Variants in NOX4 observed in about 807,000 individuals in gnomAD.
NOX4 encodes the protein kidney oxidase-1.
NOX4 carries 69 observed loss-of-function variants against 87.6 expected under a neutral mutation model. That is an observed-to-expected ratio of 0.79 (90% CI 0.65 to 0.96). The LOEUF is 0.96. NOX4 is among the 40% of genes least tolerant of loss of function. NOX4 has a pLI of 0.00. For missense variants in NOX4, 680 were observed against 681.5 expected, an observed-to-expected ratio of 1.00 and a Z score of 0.02; for synonymous variants, 275 against 238.2, an observed-to-expected ratio of 1.15 and a Z score of -1.42.
At chr11:89,349,284 C>T (rs1282032965) in intron 13 of NOX4, among the ~76,000 whole-genome samples, 2 of 140,650 alleles carry the variant, frequency 1.4e-5, no homozygotes, top group Non-Finnish European at 3.0e-5. Context: ...GAGACTCTGT[C>T]TAAAAAATAA....
chr11:89,443,442 T>G (rs1944545414), intron 5 of NOX4: 1 of 152,106 alleles, frequency 6.6e-6, no homozygotes, highest in Non-Finnish European at 1.5e-5. Context: ...AACAGTTTGT[T>G]TTTGATGTAG....
the NOX4 span, among the ~76,000 whole-genome samples, chr11:89,558,097 G>A: frequency 4.6e-5 from 7 of 152,188 alleles, no homozygotes; most frequent in South Asian, 1.5e-3. Context: ...GAGGCCAGTA[G>A]TCTTGTACCC....
chr11:89,471,061 C>A (rs1945917114), intron 2 of NOX4, among the ~76,000 whole-genome samples: 1 of 152,118 alleles, frequency 6.6e-6, no homozygotes, highest in African/African-American at 2.4e-5. Flanking sequence ...TGCTAGGGCC[C>A]ATATCCCTAT....
intron 11 of NOX4, among the ~76,000 whole-genome samples, chr11:89,374,384 T>C (rs957845725): frequency 1.3e-5 from 2 of 152,182 alleles, no homozygotes; most frequent in African/African-American, 4.8e-5. Flanking sequence ...GAAATATGCA[T>C]ACCTTTTAAA....
At chr11:89,566,606 G>C in the NOX4 span, among the ~76,000 whole-genome samples, 13 of 152,252 alleles carry the variant, frequency 8.5e-5, no homozygotes, top group African/African-American at 2.9e-4. Context: ...AAAAAAGCGA[G>C]AGGAGCCAAG....
chr11:89,432,101 A>G (rs1943822831), intron 7 of NOX4, among the ~76,000 whole-genome samples: 1 of 142,212 alleles, frequency 7.0e-6, no homozygotes, highest in African/African-American at 3.1e-5. Context: ...TATCGCAAGG[A>G]CAAAAAACTA....
chr11:89,560,970 C>CTCTCTCTCTCAT, the NOX4 span, among the ~76,000 whole-genome samples: 1 of 67,744 alleles, frequency 1.5e-5, no homozygotes, highest in African/African-American at 7.7e-5. Flanking sequence ...TCGTCTCTCT[C>CTCTCTCTCTCAT]TCTCTCTCTC....
the NOX4 span, among the ~76,000 whole-genome samples, chr11:89,564,666 T>C: frequency 9.5e-4 from 145 of 152,262 alleles, 2 homozygotes; most frequent in Admixed American, 7.3e-3. Context: ...TGCCAAAAGA[T>C]CAACATTACA....
intron 11 of NOX4, among the ~76,000 whole-genome samples, chr11:89,389,333 C>T (rs1940953324): frequency 6.6e-6 from 1 of 152,122 alleles, no homozygotes; most frequent in African/African-American, 2.4e-5. Flanking sequence ...TTTACCTTGA[C>T]CAAAATAGTA....
the NOX4 span, chr11:89,577,331 G>A: frequency 1.3e-5 from 2 of 152,012 alleles, no homozygotes; most frequent in Non-Finnish European, 2.9e-5. Flanking sequence ...GGATACACAG[G>A]AAAACTTGAT....
At chr11:89,539,576 G>T in the NOX4 span, among the ~76,000 whole-genome samples, 3 of 150,694 alleles carry the variant, frequency 2.0e-5, no homozygotes, top group Non-Finnish European at 4.4e-5. Context: ...CTCCTTTTTT[G>T]CCTTCCCCTC....
At chr11:89,445,025 T>C (rs1944631789) in intron 4 of NOX4, among the ~76,000 whole-genome samples, 1 of 152,156 alleles carries the variant, frequency 6.6e-6, no homozygotes, top group Admixed American at 6.6e-5. Flanking sequence ...GCTTTGCTTG[T>C]AGGCAAAATA....
intron 17 of NOX4, among the ~76,000 whole-genome samples, chr11:89,330,716 A>C (rs1945434399): frequency 6.6e-6 from 1 of 151,920 alleles, no homozygotes; most frequent in African/African-American, 2.4e-5. Context: ...CAAGGTAAAA[A>C]AAGAAAATAA....
At chr11:89,520,075 G>A in the NOX4 span, among the ~76,000 whole-genome samples, 1 of 151,930 alleles carries the variant, frequency 6.6e-6, no homozygotes. Flanking sequence ...GTACCATTAT[G>A]ATCAGGGAGC....
At chr11:89,549,537 G>T in the NOX4 span, among the ~76,000 whole-genome samples, 1 of 152,050 alleles carries the variant, frequency 6.6e-6, no homozygotes, top group African/African-American at 2.4e-5. Context: ...CATGTGCAGG[G>T]CATGCAGGTT....
rs1360452896 is a variant in NOX4, at chr11:89,325,943, A to C, written c.*813T>G. The C allele has an allele frequency of 2.7e-5, 4 of 148,792 alleles. No homozygotes were observed. The highest frequency in any genetic ancestry group is 7.3e-5 in the African/African-American group (3 of 40,818). The allele number at this position is 148,792 out of a possible 1,614,324, so 9.2% of individuals were successfully genotyped here. On this transcript the variant is annotated 3_prime_UTR_variant, in exon 18 of 18. Transcript: ENST00000263317. ...TGTGTGTATATATATATGTGTATAT[A>C]CATATATATATCCATATATATATAT...
At chr11:89,390,911 G>C (rs317151) in intron 11 of NOX4, among the ~76,000 whole-genome samples, 4,037 of 152,136 alleles carry the variant, frequency 0.027, 176 homozygotes, top group African/African-American at 0.093. Flanking sequence ...CTCCAAATGA[G>C]AGCCACTTTG....
At chr11:89,396,058 G>C (rs537468764) in intron 11 of NOX4, among the ~76,000 whole-genome samples, 25 of 152,152 alleles carry the variant, frequency 1.6e-4, no homozygotes, top group Non-Finnish European at 2.8e-4. Context: ...TAGGTAGCTT[G>C]ATGGGGATGG....
chr11:89,402,022 TC>T (rs1401309953), intron 9 of NOX4, among the ~76,000 whole-genome samples: 1 of 152,078 alleles, frequency 6.6e-6, no homozygotes, highest in Non-Finnish European at 1.5e-5. Flanking sequence ...TATTATTCAA[TC>T]AGCTTTTCTC....
Sources: allele counts gnomAD v4.1 joint callset (sites outside exome capture counted in the v4.1 genomes callset), GRCh38; gene constraint gnomAD v4.1.1; transcripts MANE v1.5; gene names NCBI Gene and HGNC (gene_info 2026-07-23, HGNC 2026-07-21).